TANC2: variants seen among roughly 807,000 people sequenced by gnomAD.
TANC2 encodes the protein tetratricopeptide repeat, ankyrin repeat and coiled-coil containing 2, also known as protein TANC2.
Under a neutral mutation model 210.5 loss-of-function variants are expected in TANC2, and 26 were observed. The observed-to-expected ratio is 0.12, with a 90% confidence interval of 0.09 to 0.17. The LOEUF (loss-of-function observed/expected upper bound fraction) is 0.17. Among genes scored for constraint, TANC2 ranks in the 10% least tolerant of loss-of-function variants. The probability of loss-of-function intolerance (pLI) is 1.00; values close to 1 mark genes in which losing one functional copy is unlikely to be tolerated. For missense variants in TANC2, 2,129 were observed against 2,608.9 expected (o/e 0.82, Z 4.01); for synonymous variants, 931 against 967.1 (o/e 0.96, Z 0.69).
chr17:63,167,007 G>A (rs2040232756), intron 5 of TANC2, among the ~76,000 whole-genome samples: 1 of 151,674 alleles, frequency 6.6e-6, no homozygotes, highest in Non-Finnish European at 1.5e-5. Context: ...AGGAAGGAGA[G>A]GGAAAAGAAT....
exon 28 of TANC2, chr17:63,427,619 C>T (rs951804643): frequency 3.3e-5 from 5 of 152,224 alleles, no homozygotes; most frequent in African/African-American, 1.2e-4. Flanking sequence ...TTTTCCTGCC[C>T]CATGTATACA....
At position 63,366,115 on chromosome 17, in the gene TANC2, T is replaced by G. The variant is rs16946891; in HGVS notation, c.2582+10725T>G. On this transcript the variant is annotated intron_variant, in intron 14 of 27. Coordinates refer to ENST00000689528, the Ensembl canonical transcript of TANC2. ...AAGGAATGATAAGTGGTACTAATTT[T>G]AAGCTAGCAACTTCAAATATTTGAG... Among the ~76,000 whole-genome samples the G allele has an allele frequency of 3.9e-3, 589 of 152,214 alleles. 16 individuals carry two copies. The East Asian group carries it at 0.1, about 26-fold the overall frequency.
chr17:63,219,480 C>G (rs1436079844), intron 7 of TANC2, among the ~76,000 whole-genome samples: 1 of 152,088 alleles, frequency 6.6e-6, no homozygotes, highest in Non-Finnish European at 1.5e-5. Context: ...CAGTGCAATC[C>G]CAAACAAAAT....
intron 1 of TANC2, among the ~76,000 whole-genome samples, chr17:62,994,399 T>C (rs74965183): frequency 0.029 from 4,342 of 151,252 alleles, 76 homozygotes; most frequent in South Asian, 0.037. Flanking sequence ...GCCATGTTTG[T>C]CAGGCTAGTT....
chr17:63,277,689 A>G (rs1251496432), intron 9 of TANC2, among the ~76,000 whole-genome samples: 3 of 152,142 alleles, frequency 2.0e-5, no homozygotes, highest in Admixed American at 1.3e-4. Context: ...ACACTGCCAG[A>G]TGGACAATGA....
At chr17:63,054,229 A>G (rs2035685761) in intron 2 of TANC2, among the ~76,000 whole-genome samples, 1 of 152,216 alleles carries the variant, frequency 6.6e-6, no homozygotes, top group Non-Finnish European at 1.5e-5. Context: ...AGAAATGCCT[A>G]AACCAAGTCT....
At chr17:63,146,692 A>G (rs867095672) in intron 4 of TANC2, among the ~76,000 whole-genome samples, 2 of 152,084 alleles carry the variant, frequency 1.3e-5, no homozygotes, top group Admixed American at 6.6e-5. Context: ...ACTAAAGACA[A>G]TACCTCAGTA....
chr17:63,318,352 T>C (rs2045381095), intron 10 of TANC2, among the ~76,000 whole-genome samples: 2 of 152,258 alleles, frequency 1.3e-5, no homozygotes, highest in Admixed American at 1.3e-4. Flanking sequence ...TCACATACTA[T>C]GTAATTCACC....
intron 19 of TANC2, among the ~76,000 whole-genome samples, chr17:63,400,872 C>G (rs2048324159): frequency 6.6e-6 from 1 of 151,620 alleles, no homozygotes; most frequent in Non-Finnish European, 1.5e-5. Context: ...AGGCTGGTCT[C>G]AAACCCCTGA....
intron 12 of TANC2, among the ~76,000 whole-genome samples, chr17:63,348,195 A>G (rs1053886626): frequency 1.3e-5 from 2 of 152,214 alleles, no homozygotes; most frequent in Admixed American, 6.5e-5. Context: ...TATACCAGTA[A>G]AAGAATCTCA....
At chr17:63,304,103 C>T (rs2044816670) in intron 9 of TANC2, among the ~76,000 whole-genome samples, 1 of 152,062 alleles carries the variant, frequency 6.6e-6, no homozygotes, top group Non-Finnish European at 1.5e-5. Flanking sequence ...TCCATCTCAT[C>T]CTTCATCCAG....
At chr17:63,354,237 A>C (rs1159581872) in intron 13 of TANC2, among the ~76,000 whole-genome samples, 1 of 152,198 alleles carries the variant, frequency 6.6e-6, no homozygotes, top group Non-Finnish European at 1.5e-5. Flanking sequence ...CCAAGGTGCC[A>C]AGCTTCCTAC....
At chr17:63,300,847 T>C (rs893579983) in intron 9 of TANC2, among the ~76,000 whole-genome samples, 1 of 152,202 alleles carries the variant, frequency 6.6e-6, no homozygotes, top group African/African-American at 2.4e-5. Flanking sequence ...GGCATCCTTG[T>C]CTTGTGCCGG....
At chr17:63,222,064 C>G (rs1361366991) in intron 7 of TANC2, among the ~76,000 whole-genome samples, 1 of 152,174 alleles carries the variant, frequency 6.6e-6, no homozygotes. Context: ...TCTCACAGTT[C>G]TGAAGAATGG....
chr17:63,170,912 G>A (rs1262746747), intron 5 of TANC2, among the ~76,000 whole-genome samples: 1 of 151,992 alleles, frequency 6.6e-6, no homozygotes, highest in Non-Finnish European at 1.5e-5. Context: ...GCCTATCATT[G>A]TTATGGTACT....
intron 11 of TANC2, among the ~76,000 whole-genome samples, chr17:63,326,713 G>C (rs1419379798): frequency 6.6e-6 from 1 of 151,910 alleles, no homozygotes; most frequent in East Asian, 1.9e-4. Context: ...CTGGGTGATA[G>C]AGTGAGACTG....
At chr17:63,396,017 G>A (rs2048145439) in intron 18 of TANC2, 89 bp downstream of exon 18, 1 of 1,276,448 alleles carries the variant, frequency 7.8e-7, no homozygotes, top group Non-Finnish European at 1.1e-6. Context: ...AGACAAAATT[G>A]CCAACCAAAT....
intron 14 of TANC2, 78 bp downstream of exon 14, chr17:63,355,468 A>G (rs1236468774): frequency 2.1e-6 from 3 of 1,403,008 alleles, no homozygotes; most frequent in African/African-American, 2.9e-5. Flanking sequence ...TGAAAGTAGA[A>G]GTGTTCTTCA....
intron 4 of TANC2, among the ~76,000 whole-genome samples, chr17:63,128,026 AT>A (rs2038774992): frequency 6.6e-6 from 1 of 152,208 alleles, no homozygotes; most frequent in Non-Finnish European, 1.5e-5. Flanking sequence ...AGTTAAGTTA[AT>A]GCCCATTGTA....
Sources: allele counts gnomAD v4.1 joint callset (sites outside exome capture counted in the v4.1 genomes callset), GRCh38; gene constraint gnomAD v4.1.1; transcripts MANE v1.5; gene names NCBI Gene and HGNC (gene_info 2026-07-23, HGNC 2026-07-21).